ENOPH1: variants seen among roughly 807,000 people sequenced by gnomAD.
ENOPH1 encodes the protein enolase-phosphatase 1.
In ENOPH1, 14 loss-of-function variants were observed where a neutral mutation model predicts 31.1. That is an observed-to-expected ratio of 0.45 (90% CI 0.30 to 0.70). The LOEUF is 0.70. Ranked by LOEUF, ENOPH1 falls within the 30% of genes least tolerant of loss-of-function variation. ENOPH1 has a pLI of 0.09. For missense variants in ENOPH1, 243 were observed against 321.5 expected, an observed-to-expected ratio of 0.76 and a Z score of 1.87; for synonymous variants, 127 against 123.2, an observed-to-expected ratio of 1.03 and a Z score of -0.21.
Position 82,460,905 on chromosome 4 carries a change from A to G in ENOPH1, c.*785A>G, listed in dbSNP as rs1578106572. 6.6e-6 allele frequency: 1 copy of G among 152,354 alleles called. No individual in the cohort carries two copies. The highest frequency in any genetic ancestry group is 2.1e-4 in the South Asian group (1 of 4,832). 9.4% of individuals were successfully genotyped at this position (152,354 alleles called of 1,614,324 possible). A position where few individuals can be genotyped will look rare whatever the true frequency, so the allele number is the denominator to read the frequency against. On this transcript the variant is annotated 3_prime_UTR_variant, in exon 6 of 6. Coordinates refer to ENST00000273920, the MANE Select transcript of ENOPH1 (RefSeq NM_021204.5). Reference sequence around the variant, plus strand: ...TTTGAGAATACGTTAATTGCTATTTACTATTTAAAAAGTTTTACTGAAATC... The same window carrying G: ...TTTGAGAATACGTTAATTGCTATTTGCTATTTAAAAAGTTTTACTGAAATC...
chr4:82,433,748 C>T (rs1721834868), intron 1 of ENOPH1, among the ~76,000 whole-genome samples: 1 of 152,212 alleles, frequency 6.6e-6, no homozygotes, highest in Non-Finnish European at 1.5e-5. Flanking sequence ...CACACATACA[C>T]ACTTTGTGAG....
At chr4:82,449,090 A>G (rs919443194) in intron 2 of ENOPH1, among the ~76,000 whole-genome samples, 3 of 147,678 alleles carry the variant, frequency 2.0e-5, no homozygotes, top group Non-Finnish European at 4.5e-5. Flanking sequence ...AATACAAAAA[A>G]TTAGCCGGAC....
intron 2 of ENOPH1, among the ~76,000 whole-genome samples, chr4:82,449,639 C>T (rs1231944849): frequency 6.6e-6 from 1 of 152,182 alleles, no homozygotes; most frequent in Non-Finnish European, 1.5e-5. Context: ...GATCCAGTCA[C>T]CTCCCACTAG....
chr4:82,451,389 G>C lies in ENOPH1; in HGVS notation c.389+144G>C. On this transcript the variant is annotated intron_variant, in intron 3 of 5. Transcript: ENST00000273920. Reference sequence around the variant, plus strand: ...CTTTTTAGTCTAACAAGTGAGCTTTGTTTCATTTTTTCAAAACTTGGCTAA... The same window carrying C: ...CTTTTTAGTCTAACAAGTGAGCTTTCTTTCATTTTTTCAAAACTTGGCTAA... The C allele has an allele frequency of 4.7e-6, 4 of 849,602 alleles. No individual in the cohort carries two copies. The South Asian group carries it at 5.5e-5, about 12-fold the overall frequency. The allele number at this position is 849,602 out of a possible 1,614,324, so 52.6% of individuals were successfully genotyped here.
chr4:82,437,145 G>A (rs1227344802), intron 1 of ENOPH1, among the ~76,000 whole-genome samples: 1 of 152,058 alleles, frequency 6.6e-6, no homozygotes, highest in East Asian at 1.9e-4. Context: ...TATTTTTCTA[G>A]AACCTTCAGT....
intron 1 of ENOPH1, among the ~76,000 whole-genome samples, chr4:82,441,624 A>G (rs1347316387): frequency 6.6e-6 from 1 of 152,058 alleles, no homozygotes; most frequent in Non-Finnish European, 1.5e-5. Flanking sequence ...ACAGAGCGAG[A>G]CTGCATCTCA....
intron 5 of ENOPH1, among the ~76,000 whole-genome samples, chr4:82,459,550 C>A (rs540490912): frequency 6.6e-6 from 1 of 152,240 alleles, no homozygotes; most frequent in African/African-American, 2.4e-5. Context: ...AAGTGAACTC[C>A]TGGGTCCACC....
chr4:82,455,206 A>C (rs768074352), intron 4 of ENOPH1, among the ~76,000 whole-genome samples: 3 of 152,202 alleles, frequency 2.0e-5, no homozygotes, highest in Non-Finnish European at 4.4e-5. Flanking sequence ...AAGAACCAGC[A>C]TTATTATAGG....
At position 82,448,034 on chromosome 4, in the gene ENOPH1, C is replaced by G. The variant is rs1284194955; in HGVS notation, c.186+13C>G. On this transcript the variant is annotated intron_variant, in intron 2 of 5. Coordinates refer to ENST00000273920, the MANE Select transcript of ENOPH1 (RefSeq NM_021204.5). The stretch of plus-strand genomic sequence containing the variant: ...TTTGAGGAAACAGGTTGGGACATTT[C>G]TGTCTTAAATTCCCAAGTGTCTTAG... 1 of 1,572,938 alleles carries G rather than the reference C, an allele frequency of 6.4e-7. No homozygotes were observed. The highest frequency in any genetic ancestry group is 1.4e-5 in the African/African-American group (1 of 73,968).
At chr4:82,452,779 G>A (rs1387149533) in intron 3 of ENOPH1, among the ~76,000 whole-genome samples, 1 of 151,718 alleles carries the variant, frequency 6.6e-6, no homozygotes, top group African/African-American at 2.4e-5. Context: ...TAGAGACAGG[G>A]TTTTATCATG....
At chr4:82,434,170 C>G (rs1212015570) in intron 1 of ENOPH1, among the ~76,000 whole-genome samples, 1 of 152,204 alleles carries the variant, frequency 6.6e-6, no homozygotes, top group Non-Finnish European at 1.5e-5. Flanking sequence ...TTACTGCACT[C>G]AGCCTTGGAA....
chr4:82,449,057 C>CA lies in ENOPH1; in HGVS notation c.186+1060dup, dbSNP rs10604951. Among the ~76,000 whole-genome samples the CA allele has an allele frequency of 3.3e-3, 161 of 49,348 alleles. 1 individual carries two copies. The highest frequency in any genetic ancestry group is 0.024 in the Middle Eastern group (1 of 42). 32.4% of individuals were successfully genotyped at this position (49,348 alleles called of 152,430 possible). A position where few individuals can be genotyped will look rare whatever the true frequency, so the allele number is the denominator to read the frequency against. The stretch of plus-strand genomic sequence containing the variant: ...TGGGCGACAGAGCGAGACTCCGTCT[C>CA]AAAAAAAAAAAAAAAAAAAAAAAAT... On this transcript the variant is annotated intron_variant, in intron 2 of 5. Transcript: ENST00000273920.
rs774985652 is a variant in ENOPH1 at position 82,452,369 on chromosome 4, C to T, written c.389+1124C>T. On this transcript the variant is annotated intron_variant, in intron 3 of 5. Transcript: ENST00000273920. ...CTTTGCCCAGGCTGGAGTGCAGTGG[C>T]GCAATCTCAGCTCACTGCAACTTCT... 1.6e-4 allele frequency among the ~76,000 whole-genome samples: 25 copies of T among 152,108 alleles called. 1 individual carries two copies. Among genetic ancestry groups the T allele is most frequent in the South Asian group, 4.2e-4 (2 of 4,818 alleles).
intron 1 of ENOPH1, among the ~76,000 whole-genome samples, chr4:82,434,731 GA>G (rs766537998): frequency 3.3e-5 from 5 of 151,184 alleles, no homozygotes; most frequent in African/African-American, 9.7e-5. Context: ...GAAAAGAAAA[GA>G]AAAAAAGGAA....
intron 2 of ENOPH1, among the ~76,000 whole-genome samples, chr4:82,449,057 C>CAAAA (rs10604951): frequency 2.0e-5 from 1 of 49,524 alleles, no homozygotes; most frequent in Non-Finnish European, 3.6e-5. Context: ...GACTCCGTCT[C>CAAAA]AAAAAAAAAA....
At chr4:82,443,513 G>C (rs1214970519) in intron 1 of ENOPH1, among the ~76,000 whole-genome samples, 2 of 151,756 alleles carry the variant, frequency 1.3e-5, no homozygotes, top group Admixed American at 1.3e-4. Flanking sequence ...CAGATCACGA[G>C]GTCAGGAGAT....
chr4:82,454,833 T>G lies in ENOPH1; in HGVS notation c.501T>G (p.Ser167=), dbSNP rs774391974. 9 of 1,613,064 alleles carry G rather than the reference T, an allele frequency of 5.6e-6. No individual in the cohort carries two copies. The African/African-American group carries it at 1.2e-4, about 22-fold the overall frequency. The change falls in exon 4 of 6, where the codon TCT becomes TCG. Residue 167 remains serine (S), a synonymous_variant. Coordinates refer to ENST00000273920, the MANE Select transcript of ENOPH1 (RefSeq NM_021204.5). ...VEAQKLLFGH[S]TEGDILELVD... ...CACAGAAACTGTTATTCGGGCATTCTACGGAGGGAGATATTCTTGAGGTAG... is the reference window on the plus strand; with the variant it reads ...CACAGAAACTGTTATTCGGGCATTCGACGGAGGGAGATATTCTTGAGGTAG...
At chr4:82,441,178 G>C (rs1722029416) in intron 1 of ENOPH1, among the ~76,000 whole-genome samples, 1 of 152,196 alleles carries the variant, frequency 6.6e-6, no homozygotes, top group Admixed American at 6.5e-5. Flanking sequence ...ACCTGAGACT[G>C]AGTAGTTGAT....
chr4:82,453,000 C>G (rs190806298), intron 3 of ENOPH1, among the ~76,000 whole-genome samples: 4 of 150,018 alleles, frequency 2.7e-5, no homozygotes, highest in African/African-American at 9.8e-5. Context: ...CTCCTGGGTT[C>G]ACGCCATTCT....
Sources: allele counts gnomAD v4.1 joint callset (sites outside exome capture counted in the v4.1 genomes callset), GRCh38; gene constraint gnomAD v4.1.1; transcripts MANE v1.5; gene names NCBI Gene and HGNC (gene_info 2026-07-23, HGNC 2026-07-21).